NALCN: variants seen among roughly 807,000 people sequenced by gnomAD.
The protein encoded by NALCN is sodium leak channel, non-selective.
Under a neutral mutation model 225.3 loss-of-function variants are expected in NALCN, and 111 were observed. The ratio of observed to expected loss-of-function variants is 0.49; its 90% CI spans 0.42 to 0.58. The LOEUF is 0.58. Ranked by LOEUF, NALCN falls within the 20% of genes least tolerant of loss-of-function variation. The probability of loss-of-function intolerance (pLI) is 0.00; values close to 1 mark genes in which losing one functional copy is unlikely to be tolerated. For missense variants in NALCN, 1,378 were observed against 2,202.4 expected, an observed-to-expected ratio of 0.63 and a Z score of 7.49; for synonymous variants, 764 against 769.0, an observed-to-expected ratio of 0.99 and a Z score of 0.11.
chr13:101,213,596 A>G lies in NALCN; in HGVS notation c.1626+15797T>C, dbSNP rs531179245. On this transcript the variant is annotated intron_variant, in intron 13 of 43. Coordinates refer to ENST00000251127, the MANE Select transcript of NALCN (RefSeq NM_052867.4). ...AATCTACAAAGAACTTAAATTTACA[A>G]GAAAAAATCAAACAACTCCTTCAAA... is the stretch of plus-strand genomic sequence containing the variant. Among the ~76,000 whole-genome samples, 12 of 152,308 alleles carry G rather than the reference A, an allele frequency of 7.9e-5. No homozygotes were observed. In the East Asian group the frequency reaches 2.3e-3, roughly 29 times the overall value.
intron 10 of NALCN, among the ~76,000 whole-genome samples, chr13:101,266,403 CTCTT>C (rs1018492887): frequency 6.6e-6 from 1 of 152,142 alleles, no homozygotes; most frequent in African/African-American, 2.4e-5. Context: ...TTCATAAAAG[CTCTT>C]TCTATTAAAT....
intron 10 of NALCN, among the ~76,000 whole-genome samples, chr13:101,268,016 A>T (rs534865073): frequency 6.6e-6 from 1 of 152,192 alleles, no homozygotes; most frequent in Admixed American, 6.5e-5. Flanking sequence ...ATCACTTTGG[A>T]TGTGTCACTT....
chr13:101,122,603 G>T lies in NALCN; in HGVS notation c.2192+2005C>A, dbSNP rs117860779. Among the ~76,000 whole-genome samples, 1,182 of 152,282 alleles carry T rather than the reference G, an allele frequency of 7.8e-3. 7 individuals are homozygous for T. The highest frequency in any genetic ancestry group is 0.013 in the Non-Finnish European group (909 of 68,002). On this transcript the variant is annotated intron_variant, in intron 18 of 43. Transcript: ENST00000251127. The stretch of plus-strand genomic sequence containing the variant: ...CCCTCTTGCACCACGTTAAATAGAA[G>T]AATGTAATTTCTAGCATTATTGTGT...
chr13:101,230,372 C>T (rs115192039), intron 12 of NALCN, among the ~76,000 whole-genome samples: 123 of 152,246 alleles, frequency 8.1e-4, no homozygotes, highest in African/African-American at 2.9e-3. Context: ...GATTATCAGC[C>T]CAGTATCCAT....
chr13:101,379,579 G>T (rs1049170131), intron 3 of NALCN, among the ~76,000 whole-genome samples: 4 of 149,390 alleles, frequency 2.7e-5, no homozygotes, highest in Non-Finnish European at 6.0e-5. Flanking sequence ...CATGGATGAA[G>T]CTGGAAACCA....
At chr13:101,243,160 C>T (rs1428128820) in intron 11 of NALCN, among the ~76,000 whole-genome samples, 2 of 94,530 alleles carry the variant, frequency 2.1e-5, no homozygotes, top group Admixed American at 1.0e-4. Flanking sequence ...TCTATCTGTT[C>T]GCTTTTTCCT....
intron 35 of NALCN, among the ~76,000 whole-genome samples, chr13:101,074,939 A>G (rs999500108): frequency 2.0e-5 from 3 of 152,172 alleles, no homozygotes; most frequent in African/African-American, 7.2e-5. Context: ...ACACAAATTA[A>G]TAAGAGTAAC....
At chr13:101,172,857 G>A (rs561350592) in intron 15 of NALCN, among the ~76,000 whole-genome samples, 2 of 152,054 alleles carry the variant, frequency 1.3e-5, no homozygotes, top group Non-Finnish European at 2.9e-5. Flanking sequence ...GTGAGCCACC[G>A]CGCCTGGCCA....
Position 101,088,674 on chromosome 13 carries a change from C to T in NALCN, c.3489+989G>A, listed in dbSNP as rs116328938. 3.3e-5 allele frequency among the ~76,000 whole-genome samples: 5 copies of T among 152,254 alleles called. No individual in the cohort carries two copies. The East Asian group carries it at 7.7e-4, about 24-fold the overall frequency. On this transcript the variant is annotated intron_variant, in intron 30 of 43. Coordinates refer to ENST00000251127, the MANE Select transcript of NALCN (RefSeq NM_052867.4). Reference sequence around the variant, plus strand: ...TCCCTTACTATGATTCCAAAGACTGCGTCTCAAACAATAGAGGGCATAGCT... The same window carrying T: ...TCCCTTACTATGATTCCAAAGACTGTGTCTCAAACAATAGAGGGCATAGCT...
intron 3 of NALCN, among the ~76,000 whole-genome samples, chr13:101,380,389 T>A (rs563801674): frequency 6.6e-6 from 1 of 152,306 alleles, no homozygotes; most frequent in South Asian, 2.1e-4. Flanking sequence ...AATGCTTTAA[T>A]AACATGGGAA....
chr13:101,253,703 T>C (rs374163972), intron 11 of NALCN, among the ~76,000 whole-genome samples: 38 of 152,326 alleles, frequency 2.5e-4, no homozygotes, highest in African/African-American at 8.9e-4. Context: ...CATTGCTCTC[T>C]GTTTCTATAG....
At chr13:101,151,755 A>G (rs2037662207) in intron 15 of NALCN, among the ~76,000 whole-genome samples, 1 of 152,208 alleles carries the variant, frequency 6.6e-6, no homozygotes, top group Non-Finnish European at 1.5e-5. Context: ...GCTAATTTGT[A>G]TATGTGATTT....
intron 7 of NALCN, among the ~76,000 whole-genome samples, chr13:101,325,831 C>G (rs2044932073): frequency 6.6e-6 from 1 of 152,144 alleles, no homozygotes; most frequent in African/African-American, 2.4e-5. Context: ...CTTCTGGCCT[C>G]ATTTCACAGA....
At chr13:101,064,443 A>C (rs781681637) in intron 40 of NALCN, among the ~76,000 whole-genome samples, 6 of 152,222 alleles carry the variant, frequency 3.9e-5, no homozygotes, top group Non-Finnish European at 5.9e-5. Context: ...TTATTTGGAA[A>C]TAGAACATTG....
At chr13:101,079,114 G>A (rs954931218) in intron 34 of NALCN, among the ~76,000 whole-genome samples, 6 of 152,212 alleles carry the variant, frequency 3.9e-5, no homozygotes, top group Admixed American at 1.3e-4. Flanking sequence ...GTGGAACTTT[G>A]AGTCAATTAA....
Position 101,199,353 on chromosome 13 carries a change from T to G in NALCN, c.1627-7299A>C, listed in dbSNP as rs576424877. 9.2e-5 allele frequency among the ~76,000 whole-genome samples: 14 copies of G among 151,598 alleles called. No homozygotes were observed. The South Asian group carries it at 1.5e-3, about 16-fold the overall frequency. On this transcript the variant is annotated intron_variant, in intron 13 of 43. Coordinates refer to ENST00000251127, the MANE Select transcript of NALCN (RefSeq NM_052867.4). ...TGCTATAAAGACACATGCACACATA[T>G]GTTTACTGTGGCACTATTCACAATA...
At chr13:101,253,711 T>C (rs573295819) in intron 11 of NALCN, among the ~76,000 whole-genome samples, 3 of 152,194 alleles carry the variant, frequency 2.0e-5, no homozygotes, top group Non-Finnish European at 2.9e-5. Flanking sequence ...TCTGTTTCTA[T>C]AGCTTAAACC....
intron 10 of NALCN, among the ~76,000 whole-genome samples, chr13:101,272,561 G>T (rs2042831881): frequency 6.6e-6 from 1 of 152,142 alleles, no homozygotes; most frequent in Admixed American, 6.5e-5. Context: ...TGATTTTGAG[G>T]GCAGGAATAT....
At chr13:101,365,561 CA>C (rs2046357581) in intron 6 of NALCN, among the ~76,000 whole-genome samples, 1 of 142,662 alleles carries the variant, frequency 7.0e-6, no homozygotes, top group South Asian at 2.1e-4. Flanking sequence ...TTTGGACCAG[CA>C]AGAGCAAACT....
Sources: allele counts gnomAD v4.1 joint callset (sites outside exome capture counted in the v4.1 genomes callset), GRCh38; gene constraint gnomAD v4.1.1; transcripts MANE v1.5; gene names NCBI Gene and HGNC (gene_info 2026-07-23, HGNC 2026-07-21).